Variants in FBXO34 observed in about 807,000 individuals in gnomAD.
The protein encoded by FBXO34 is F-box protein 34.
FBXO34 carries 12 observed loss-of-function variants against 24.5 expected under a neutral mutation model. That is an observed-to-expected ratio of 0.49 (90% CI 0.31 to 0.79). The LOEUF is 0.79. FBXO34 is among the 30% of genes least tolerant of loss of function. The probability of loss-of-function intolerance (pLI) is 0.04; values close to 1 mark genes in which losing one functional copy is unlikely to be tolerated. For synonymous variants in FBXO34, 320 were observed against 311.9 expected (o/e 1.03, Z -0.27); for missense variants, 823 against 857.7 (o/e 0.96, Z 0.51).
chr14:55,375,806 C>A, the FBXO34 span, among the ~76,000 whole-genome samples: 6 of 152,194 alleles, frequency 3.9e-5, no homozygotes, highest in Non-Finnish European at 7.3e-5. Context: ...GCTGTTAACA[C>A]AGCACTGATA....
intron 1 of FBXO34, among the ~76,000 whole-genome samples, chr14:55,281,988 T>C (rs1881559792): frequency 1.4e-5 from 2 of 141,628 alleles, no homozygotes; most frequent in Non-Finnish European, 3.0e-5. Flanking sequence ...TTTTTAAATT[T>C]AGCTTTTTTT....
rs1430060716 is a variant in FBXO34 at position 55,351,867 on chromosome 14, G to A, written c.1477G>A (p.Asp493Asn). Residue 493 changes from aspartate to asparagine, a missense_variant, in exon 2 of 2, where the codon GAC becomes AAC. Physicochemically the swap from Asp to Asn is conservative, Grantham distance 23. This residue lies in a region of FBXO34 where 693 missense variants were observed against 659.1 expected (regional missense o/e 1.05). Transcript: ENST00000313833. ...FFLPPGQHLSDYSQLNESTTK... is the reference protein window; with the variant it reads ...FFLPPGQHLSNYSQLNESTTK... The stretch of plus-strand genomic sequence containing the variant: ...TTTGCCACCTGGTCAGCACTTGTCA[G>A]ACTATTCCCAGTTGAATGAAAGCAC... 6.2e-7 allele frequency: 1 copy of A among 1,614,174 alleles called. No individual in the cohort carries two copies. The highest frequency in any genetic ancestry group is 8.5e-7 in the Non-Finnish European group (1 of 1,180,044).
At chr14:55,365,851 C>G (rs1014967424), downstream of FBXO34, among the ~76,000 whole-genome samples, 1 of 152,162 alleles carries the variant, frequency 6.6e-6, no homozygotes, top group Non-Finnish European at 1.5e-5. Flanking sequence ...ACAGTAGTCA[C>G]TCTTGGTATC....
the FBXO34 span, among the ~76,000 whole-genome samples, chr14:55,442,078 T>G: frequency 2.6e-5 from 4 of 151,710 alleles, no homozygotes; most frequent in South Asian, 2.1e-4. Context: ...TTGACACTTT[T>G]TATGTAAGAT....
At chr14:55,376,819 AG>A in the FBXO34 span, among the ~76,000 whole-genome samples, 1 of 152,224 alleles carries the variant, frequency 6.6e-6, no homozygotes, top group Non-Finnish European at 1.5e-5. Context: ...GACTGCTAAG[AG>A]CAAGGAAAAA....
chr14:55,332,757 C>T (rs1455999039), intron 1 of FBXO34, among the ~76,000 whole-genome samples: 1 of 152,152 alleles, frequency 6.6e-6, no homozygotes, highest in Non-Finnish European at 1.5e-5. Context: ...ATGGCTACTT[C>T]TGTAGCTACG....
At chr14:55,355,893 A>AG (rs1884515693), downstream of FBXO34, among the ~76,000 whole-genome samples, 1 of 152,218 alleles carries the variant, frequency 6.6e-6, no homozygotes, top group Non-Finnish European at 1.5e-5. Flanking sequence ...GAAACCTGAC[A>AG]GGGAGGTAAA....
chr14:55,406,937 C>A, the FBXO34 span, among the ~76,000 whole-genome samples: 1 of 151,154 alleles, frequency 6.6e-6, no homozygotes, highest in African/African-American at 2.4e-5. Flanking sequence ...CTAATGCTCA[C>A]ATTTAGCCAA....
chr14:55,296,002 A>G (rs1191650451), intron 1 of FBXO34, among the ~76,000 whole-genome samples: 2 of 152,314 alleles, frequency 1.3e-5, no homozygotes, highest in African/African-American at 4.8e-5. Flanking sequence ...AAGTTAACCA[A>G]TGCTGTCAGG....
Position 55,331,687 on chromosome 14 carries a change from GTATATATATA to G in FBXO34, c.-10-18686_-10-18677del, listed in dbSNP as rs199998638. On this transcript the variant is annotated intron_variant, in intron 1 of 1. Coordinates refer to ENST00000313833, the MANE Select transcript of FBXO34 (RefSeq NM_017943.4). ...ATGGTGTGTGTATATATATATATGT[GTATATATATA>G]TATATATGTATATATATATGTATAT... is the stretch of plus-strand genomic sequence containing the variant. 1.4e-4 allele frequency among the ~76,000 whole-genome samples: 4 copies of G among 28,896 alleles called. 2 individuals carry two copies. The highest frequency in any genetic ancestry group is 2.3e-4 in the Non-Finnish European group (4 of 17,422). The allele number at this position is 28,896 out of a possible 152,430, so 19.0% of individuals were successfully genotyped here.
At chr14:55,401,841 G>A in the FBXO34 span, among the ~76,000 whole-genome samples, 1 of 152,202 alleles carries the variant, frequency 6.6e-6, no homozygotes, top group African/African-American at 2.4e-5. Flanking sequence ...AGACCTGAGG[G>A]TGAGCCAGAG....
At chr14:55,375,490 A>AATTTTTTTT in the FBXO34 span, among the ~76,000 whole-genome samples, 4 of 117,798 alleles carry the variant, frequency 3.4e-5, no homozygotes, top group South Asian at 2.8e-4. Flanking sequence ...GCCGGGCTAA[A>AATTTTTTTT]TTTTTTTTTT....
intron 1 of FBXO34, chr14:55,339,298 T>G (rs1404800139): frequency 6.6e-6 from 1 of 151,620 alleles, no homozygotes; most frequent in East Asian, 1.9e-4. Flanking sequence ...TACAATATGA[T>G]CATAACCATA....
At chr14:55,378,693 C>T in the FBXO34 span, among the ~76,000 whole-genome samples, 1 of 151,858 alleles carries the variant, frequency 6.6e-6, no homozygotes, top group Non-Finnish European at 1.5e-5. Context: ...ACCACATTCC[C>T]TCTTACCTTT....
the FBXO34 span, among the ~76,000 whole-genome samples, chr14:55,406,529 A>T: frequency 6.6e-6 from 1 of 152,252 alleles, no homozygotes; most frequent in Non-Finnish European, 1.5e-5. Flanking sequence ...GCCTATTGAC[A>T]GTCGGTAAAA....
intron 1 of FBXO34, among the ~76,000 whole-genome samples, chr14:55,325,456 C>T (rs141326969): frequency 9.9e-5 from 15 of 151,470 alleles, no homozygotes; most frequent in African/African-American, 2.9e-4. Context: ...CCTCTTATTC[C>T]CTTCTTTTTT....
At chr14:55,396,594 G>A in the FBXO34 span, among the ~76,000 whole-genome samples, 6 of 152,290 alleles carry the variant, frequency 3.9e-5, no homozygotes, top group East Asian at 1.9e-4. Context: ...AGACATCCAC[G>A]TTGGCATGGT....
At chr14:55,397,583 A>T in the FBXO34 span, 2 of 654,758 alleles carry the variant, frequency 3.1e-6, no homozygotes. Context: ...AACGGGGTGC[A>T]CACAACTGCT....
At chr14:55,435,352 T>C in the FBXO34 span, among the ~76,000 whole-genome samples, 3 of 151,370 alleles carry the variant, frequency 2.0e-5, no homozygotes, top group Non-Finnish European at 2.9e-5. Context: ...CTTGGCTCAC[T>C]GCAACCTCTG....
Sources: gnomAD v4.1 joint callset for allele counts (sites outside exome capture counted in the v4.1 genomes callset) on GRCh38, gnomAD v4.1.1 for gene constraint, gnomAD v4.1.1 regional missense constraint, MANE v1.5 for transcripts, NCBI Gene and HGNC (gene_info 2026-07-23, HGNC 2026-07-21) for gene names.